The following LUZP1 variants were observed in gnomAD, a reference collection of about 807,000 sequenced individuals.
LUZP1 encodes the protein leucine zipper protein 1.
A neutral mutation model predicts 71.3 loss-of-function variants in LUZP1; 25 were observed. The observed-to-expected ratio is 0.35, with a 90% CI of 0.26 to 0.49. The LOEUF (loss-of-function observed/expected upper bound fraction) is 0.49, where lower values mean the gene tolerates loss of function less well. Ranked by LOEUF, LUZP1 falls within the 20% of genes least tolerant of loss-of-function variation. The pLI is 0.99. For synonymous variants in LUZP1, 481 were observed against 506.4 expected (o/e 0.95, Z 0.67); for missense variants, 1,142 against 1,300.8 (o/e 0.88, Z 1.88).
At chr1:23,099,780 T>C (rs1421398974) in intron 3 of LUZP1, among the ~76,000 whole-genome samples, 1 of 152,200 alleles carries the variant, frequency 6.6e-6, no homozygotes, top group African/African-American at 2.4e-5. Context: ...ACTGGAAACA[T>C]ACAGAGAAAG....
exon 5 of LUZP1, chr1:23,088,964 C>T: frequency 6.2e-7 from 1 of 1,614,202 alleles, no homozygotes. Flanking sequence ...CAGACTCTGG[C>T]AGCCCCTGCT....
chr1:23,139,234 T>C (rs987690132), intron 2 of LUZP1, among the ~76,000 whole-genome samples: 1 of 151,322 alleles, frequency 6.6e-6, no homozygotes, highest in African/African-American at 2.4e-5. Context: ...AAGGTCTCAA[T>C]TCAGTATCTA....
intron 2 of LUZP1, among the ~76,000 whole-genome samples, chr1:23,138,020 G>T (rs1168136522): frequency 6.6e-6 from 1 of 152,136 alleles, no homozygotes; most frequent in Non-Finnish European, 1.5e-5. Flanking sequence ...GCCCAGGTTG[G>T]AGTGCAATGG....
exon 4 of LUZP1, chr1:23,091,817 C>T: frequency 1.2e-6 from 2 of 1,614,094 alleles, no homozygotes; most frequent in Middle Eastern, 1.6e-4. Flanking sequence ...TGTGCCTCTC[C>T]CTCAGGGCCT....
In LUZP1 at chr1:23,093,758, A is replaced by G. The variant is rs138600949; in HGVS notation, c.504T>C (p.Ser168=). The change falls in exon 4 of 5, where the codon TCT becomes TCC. Residue 168 remains serine (S), a synonymous_variant. Coordinates refer to ENST00000302291, the Ensembl canonical transcript of LUZP1. This position sits in a 1 kb window ranked among gnomAD's most constrained non-coding sequence, Gnocchi z 4.2. Reference sequence around the variant, plus strand: ...GCTCAGTTTTATCCAGGCGGTCCTCAGAAGATTCTAGTTCTTTCACTTTGA... The same window carrying G: ...GCTCAGTTTTATCCAGGCGGTCCTCGGAAGATTCTAGTTCTTTCACTTTGA... 3 of 1,613,780 alleles carry G rather than the reference A, an allele frequency of 1.9e-6. No homozygotes were observed. Among genetic ancestry groups the G allele is most frequent in the Non-Finnish European group, 2.5e-6 (3 of 1,180,038 alleles).
chr1:23,089,336 A>T (rs1643817615), intron 4 of LUZP1, among the ~76,000 whole-genome samples: 1 of 152,118 alleles, frequency 6.6e-6, no homozygotes. Flanking sequence ...TAGAGCCTGG[A>T]ATGGGGGCAT....
chr1:23,174,004 T>A (rs1644569019), intron 1 of LUZP1, among the ~76,000 whole-genome samples: 1 of 152,074 alleles, frequency 6.6e-6, no homozygotes, highest in Non-Finnish European at 1.5e-5. Flanking sequence ...TTTGTCCCTG[T>A]CTGTATTAGT....
At chr1:23,175,024 C>T (rs1169970358) in intron 1 of LUZP1, among the ~76,000 whole-genome samples, 4 of 152,060 alleles carry the variant, frequency 2.6e-5, no homozygotes, top group Admixed American at 2.0e-4. Flanking sequence ...ACATATACTA[C>T]CTCTTAAAGG....
chr1:23,084,930 T>C (rs554346932), exon 5 of LUZP1: 59 of 152,638 alleles, frequency 3.9e-4, no homozygotes, highest in African/African-American at 1.2e-3. Context: ...AGGGATGACA[T>C]TGACAAAACT....
At chr1:23,115,448 ACTTTGGGAGTGCTT>A (rs1434379121) in intron 2 of LUZP1, among the ~76,000 whole-genome samples, 1 of 152,248 alleles carries the variant, frequency 6.6e-6, no homozygotes, top group Non-Finnish European at 1.5e-5. Context: ...ACTTTTGTGC[ACTTTGGGAGTGCTT>A]ATTAATAAAT....
At chr1:23,177,300 G>T (rs897092173) in intron 1 of LUZP1, among the ~76,000 whole-genome samples, 1 of 152,170 alleles carries the variant, frequency 6.6e-6, no homozygotes, top group Admixed American at 6.5e-5. Context: ...ACAGACCTCT[G>T]AGAGGACATC....
chr1:23,090,226 G>A (rs888976308), intron 4 of LUZP1, among the ~76,000 whole-genome samples: 2 of 152,148 alleles, frequency 1.3e-5, no homozygotes, highest in African/African-American at 4.8e-5. Context: ...GTGACCTTAG[G>A]TAAGATATTT....
intron 2 of LUZP1, among the ~76,000 whole-genome samples, chr1:23,146,477 G>T (rs1194583937): frequency 6.6e-6 from 1 of 152,078 alleles, no homozygotes; most frequent in East Asian, 1.9e-4. Flanking sequence ...TGTAAAATAG[G>T]GATAATACCT....
chr1:23,145,485 T>C (rs77689828), intron 2 of LUZP1, among the ~76,000 whole-genome samples: 1 of 151,212 alleles, frequency 6.6e-6, no homozygotes, highest in Non-Finnish European at 1.5e-5. Context: ...TTTTTTTTTT[T>C]TGAGACGGAG....
intron 2 of LUZP1, among the ~76,000 whole-genome samples, chr1:23,163,786 G>A (rs1470265087): frequency 6.6e-6 from 1 of 152,172 alleles, no homozygotes; most frequent in African/African-American, 2.4e-5. Context: ...AACTGAGAGT[G>A]TAATGACATA....
At chr1:23,110,628 GCACACATACACACA>G (rs763184942) in intron 2 of LUZP1, among the ~76,000 whole-genome samples, 2 of 49,024 alleles carry the variant, frequency 4.1e-5, no homozygotes, top group Non-Finnish European at 5.3e-5. Flanking sequence ...GCATGAACGC[GCACACATACACACA>G]CACACACACA....
chr1:23,149,690 A>C (rs568267229), intron 2 of LUZP1, among the ~76,000 whole-genome samples: 6 of 152,174 alleles, frequency 3.9e-5, no homozygotes, highest in African/African-American at 1.2e-4. Flanking sequence ...TTAGAAGTAA[A>C]AGGGCCGGGC....
chr1:23,091,936 T>C (rs1643862193), exon 4 of LUZP1: 1 of 1,614,186 alleles, frequency 6.2e-7, no homozygotes, highest in Non-Finnish European at 8.5e-7. Context: ...TCCAACGTAG[T>C]CTCTGTTCCA....
At chr1:23,110,430 T>C (rs186348466) in intron 2 of LUZP1, among the ~76,000 whole-genome samples, 1 of 152,308 alleles carries the variant, frequency 6.6e-6, no homozygotes, top group East Asian at 1.9e-4. Flanking sequence ...TCTAAGCTAG[T>C]GGTAAACCTA....
Sources: allele counts gnomAD v4.1 joint callset (sites outside exome capture counted in the v4.1 genomes callset), GRCh38; gene constraint gnomAD v4.1.1; non-coding constraint Gnocchi (gnomAD v3.1); transcripts MANE v1.5; gene names NCBI Gene and HGNC (gene_info 2026-07-23, HGNC 2026-07-21).